WNK4: variants seen among roughly 807,000 people sequenced by gnomAD.
WNK4 encodes WNK lysine deficient protein kinase 4, also known as serine/threonine-protein kinase WNK4.
In WNK4, 94 loss-of-function variants were observed where a neutral mutation model predicts 116.2. The observed-to-expected ratio is 0.81, with a 90% CI of 0.68 to 0.96. The LOEUF (loss-of-function observed/expected upper bound fraction) is 0.96. Ranked by LOEUF, WNK4 falls within the 40% of genes least tolerant of loss-of-function variation. WNK4 has a pLI of 0.00. For synonymous variants in WNK4, 655 were observed against 672.7 expected (o/e 0.97, Z 0.41); for missense variants, 1,542 against 1,650.6 (o/e 0.93, Z 1.14).
At position 42,785,653 on chromosome 17, in the gene WNK4, G is replaced by A. The variant is rs528394220; in HGVS notation, c.1476+171G>A. On this transcript the variant is annotated intron_variant, in intron 6 of 18. Coordinates refer to ENST00000246914, the MANE Select transcript of WNK4 (RefSeq NM_032387.5). The stretch of plus-strand genomic sequence containing the variant: ...CTACCTCTCCAGCCCTAACTTACCC[G>A]CACGCACACCCAGTTTTCCTTTACA... 4.6e-5 allele frequency among the ~76,000 whole-genome samples: 7 copies of A among 152,240 alleles called. No individual in the cohort carries two copies. The South Asian group carries it at 1.2e-3, about 27-fold the overall frequency.
chr17:42,787,445 C>T lies in WNK4; in HGVS notation c.1644C>T (p.Pro548=), dbSNP rs142230858. 102 of 1,613,686 alleles carry T rather than the reference C, an allele frequency of 6.3e-5. No individual in the cohort carries two copies. The highest frequency in any genetic ancestry group is 8.1e-5 in the Non-Finnish European group (96 of 1,179,810). The change falls in exon 7 of 19, where the codon CCC becomes CCT. Residue 548 remains proline (P), a synonymous_variant. Coordinates refer to ENST00000246914, the MANE Select transcript of WNK4 (RefSeq NM_032387.5). ...CACCAGCAACTGTGCCCATGGCCCC[C>T]GGTCCCCCCAGTGTCTTCCCCCCTG... ...GPPPATVPMA[P]GPPSVFPPEP...
rs1261254331 is a variant in WNK4 at position 42,780,933 on chromosome 17, C to A, written c.235C>A (p.Pro79Thr). Residue 79 changes from proline to threonine, a missense_variant, in exon 1 of 19, where the codon CCC becomes ACC. Pro to Thr is a conservative substitution (Grantham distance 38). Transcript: ENST00000246914. ...LLSSWSLPAS[P>T]APDPPDPPDS... ...GAGCTCTTGGTCCCTGCCAGCCTCA[C>A]CCGCTCCGGACCCCCCCGATCCTCC... is the stretch of plus-strand genomic sequence containing the variant. 1 of 1,609,588 alleles carries A rather than the reference C, an allele frequency of 6.2e-7. No individual in the cohort carries two copies. Among genetic ancestry groups the A allele is most frequent in the Non-Finnish European group, 8.5e-7 (1 of 1,179,754 alleles).
chr17:42,781,780 G>C (rs1468183259), intron 1 of WNK4, among the ~76,000 whole-genome samples: 1 of 152,112 alleles, frequency 6.6e-6, no homozygotes, highest in South Asian at 2.1e-4. Flanking sequence ...GCTGGGCAAG[G>C]GTCATCTCCA....
At chr17:42,790,884 A>T (rs1226186641) in intron 11 of WNK4, among the ~76,000 whole-genome samples, 1 of 152,158 alleles carries the variant, frequency 6.6e-6, no homozygotes, top group African/African-American at 2.4e-5. Flanking sequence ...CTCCTCCATC[A>T]TGTCATTCAC....
At position 42,791,639 on chromosome 17, in the gene WNK4, C is replaced by CAA. The variant is rs112159075; in HGVS notation, c.2158-1941_2158-1940dup. 1.3e-4 allele frequency among the ~76,000 whole-genome samples: 15 copies of CAA among 119,434 alleles called. No homozygotes were observed. In the South Asian group the frequency reaches 1.3e-3, roughly 11 times the overall value. 78.4% of individuals were successfully genotyped at this position (119,434 alleles called of 152,430 possible). On this transcript the variant is annotated intron_variant, in intron 11 of 18. Transcript: ENST00000246914. ...GGGCAACAAGAGCGAAACTCTGTCT[C>CAA]AAAAAAAAAAAAAGAAGAAAGAAAG...
Position 42,785,419 on chromosome 17 carries a change from C to G in WNK4, c.1413C>G (p.Asn471Lys), listed in dbSNP as rs769207672. ...GGCGCGGGGGGCGCCCACGGGACAACCAGGCCATCGAGTTCCTGTTCCAGC... is the reference window on the plus strand; with the variant it reads ...GGCGCGGGGGGCGCCCACGGGACAAGCAGGCCATCGAGTTCCTGTTCCAGC... Reference protein sequence around the residue: ...DARRGGRPRDNQAIEFLFQLG... With the variant: ...DARRGGRPRDKQAIEFLFQLG... The change falls in exon 6 of 19, where the codon AAC (asparagine) becomes AAG (lysine). Residue 471 changes from asparagine (N) to lysine (K), a missense_variant. Asn to Lys is a moderately conservative substitution (Grantham distance 94). Around this residue, in one of 7 missense-constraint regions of WNK4, gnomAD observed 808 missense variants for 873.6 expected, o/e 0.92. Transcript: ENST00000246914. The G allele has an allele frequency of 1.3e-6, 2 of 1,565,214 alleles. No homozygotes were observed. The highest frequency in any genetic ancestry group is 1.7e-6 in the Non-Finnish European group (2 of 1,154,648).
chr17:42,787,992 G>A, intron 8 of WNK4, 93 bp downstream of exon 8: 1 of 1,598,606 alleles, frequency 6.3e-7, no homozygotes, highest in South Asian at 1.1e-5. Flanking sequence ...CCAGTCCCAT[G>A]TCCCTGGAAA....
At position 42,781,117 on chromosome 17, in the gene WNK4, T is replaced by C; in HGVS notation, c.419T>C (p.Leu140Pro). The stretch of plus-strand genomic sequence containing the variant: ...GTGGGCCCGGGGTCCAGGGAGCCGC[T>C]AAGGGTCCCTGAAGCTGTGGCCCTA... ...SAVGPGSREP[L>P]RVPEAVALER... The change falls in exon 1 of 19, where the codon CTA (leucine) becomes CCA (proline). Residue 140 changes from leucine (L) to proline (P), a missense_variant. This residue lies in a region of WNK4 where 243 missense variants were observed against 217.8 expected (regional missense o/e 1.12). Transcript: ENST00000246914. 1 of 1,613,842 alleles carries C rather than the reference T, an allele frequency of 6.2e-7. No homozygotes were observed. Among genetic ancestry groups the C allele is most frequent in the Non-Finnish European group, 8.5e-7 (1 of 1,179,924 alleles).
Position 42,785,139 on chromosome 17 carries a change from G to A in WNK4, c.1213G>A (p.Val405Met), listed in dbSNP as rs531325964. The change falls in exon 5 of 19, where the codon GTG becomes ATG. Residue 405 changes from valine to methionine, a missense_variant. Transcript: ENST00000246914. ...NSFHKVKIPE[V>M]KEIIEGCIRT... ...CTTCCACAAGGTGAAGATACCCGAG[G>A]TGAAGGAGATCATTGAAGGCTGCAT... 8 of 1,614,014 alleles carry A rather than the reference G, an allele frequency of 5.0e-6. No individual in the cohort carries two copies. Among genetic ancestry groups the A allele is most frequent in the Non-Finnish European group, 6.8e-6 (8 of 1,179,980 alleles).
Position 42,793,671 on chromosome 17 carries a change from C to A in WNK4, c.2237C>A (p.Thr746Asn), listed in dbSNP as rs1375134711. 3 of 1,614,084 alleles carry A rather than the reference C, an allele frequency of 1.9e-6. No homozygotes were observed. The highest frequency in any genetic ancestry group is 2.5e-6 in the Non-Finnish European group (3 of 1,180,012). ...CGGGAGATTATCCAGCGAGTGGAGA[C>A]CCTGTTGAAGAGAGACACTGGCCCC... is the stretch of plus-strand genomic sequence containing the variant. ...RIREIIQRVETLLKRDTGPME... is the reference protein window; with the variant it reads ...RIREIIQRVENLLKRDTGPME... Residue 746 changes from threonine to asparagine, a missense_variant, in exon 12 of 19, where the codon ACC becomes AAC. Thr to Asn is a moderately conservative substitution (Grantham distance 65). Transcript: ENST00000246914.
In WNK4 at chr17:42,780,625, C is replaced by CA; in HGVS notation, c.-73dup. On this transcript the variant is annotated 5_prime_UTR_variant, in exon 1 of 19. Transcript: ENST00000246914. ...CCGCTCAGCCGGAGCGCAGCGCACCCAGCGAGTCCGTCTGTCAGGCCGCCT... is the reference window on the plus strand; with the variant it reads ...CCGCTCAGCCGGAGCGCAGCGCACCCAAGCGAGTCCGTCTGTCAGGCCGCCT... 6.3e-7 allele frequency: 1 copy of CA among 1,582,812 alleles called. No individual in the cohort carries two copies. Among genetic ancestry groups the CA allele is most frequent in the Non-Finnish European group, 8.5e-7 (1 of 1,169,930 alleles).
intron 11 of WNK4, among the ~76,000 whole-genome samples, chr17:42,792,370 T>A (rs2054615254): frequency 6.6e-6 from 1 of 152,216 alleles, no homozygotes; most frequent in East Asian, 1.9e-4. Flanking sequence ...AATAGCATTT[T>A]AAAAAATTGT....
At position 42,793,696 on chromosome 17, in the gene WNK4, CA is replaced by C; in HGVS notation, c.2263del (p.Met755TrpfsTer8). 1 of 1,614,116 alleles carries C rather than the reference CA, an allele frequency of 6.2e-7. No homozygotes were observed. Among genetic ancestry groups the C allele is most frequent in the Admixed American group, 1.7e-5 (1 of 60,014 alleles). On this transcript the variant is annotated frameshift_variant, in exon 12 of 19. Transcript: ENST00000246914. LOFTEE classifies it high-confidence loss of function. The part of the protein sequence containing the change: ...ETLLKRDTGP[M>X]EAAEDTLSPQ... ...CCCTGTTGAAGAGAGACACTGGCCC[CA>C]TGGAGGCTGCTGAAGACACCCTAAG...
chr17:42,796,666 AC>A lies in WNK4; in HGVS notation c.3730-19del, dbSNP rs761428096. 36 of 1,613,922 alleles carry A rather than the reference AC, an allele frequency of 2.2e-5. No homozygotes were observed. Among genetic ancestry groups the A allele is most frequent in the South Asian group, 1.2e-4 (11 of 91,082 alleles). ...CTCCCACCTTGGAGGTTTCTTCATCACTTTTTCTTTTCCCTCCAGTGAATTC... is the reference window on the plus strand; with the variant it reads ...CTCCCACCTTGGAGGTTTCTTCATCATTTTTCTTTTCCCTCCAGTGAATTC... On this transcript the variant is annotated intron_variant, in intron 18 of 18. Coordinates refer to ENST00000246914, the MANE Select transcript of WNK4 (RefSeq NM_032387.5).
In WNK4 at chr17:42,795,862, AAGG is replaced by A. The variant is rs1011341294; in HGVS notation, c.3263_3265del (p.Gly1088del). On this transcript the variant is annotated inframe_deletion, in exon 16 of 19. Coordinates refer to ENST00000246914, the MANE Select transcript of WNK4 (RefSeq NM_032387.5). ...GGTCTGGGGGCTGGAGTTGAGGAGGAAGGAGATGATGGGAAGGAACCCCAAGTT... is the reference window on the plus strand; with the variant it reads ...GGTCTGGGGGCTGGAGTTGAGGAGGAAGATGATGGGAAGGAACCCCAAGTT... 1.9e-6 allele frequency: 3 copies of A among 1,612,984 alleles called. No homozygotes were observed. Among genetic ancestry groups the A allele is most frequent in the African/African-American group, 2.7e-5 (2 of 74,860 alleles).
At position 42,781,296 on chromosome 17, in the gene WNK4, G is replaced by A. The variant is rs1415939973; in HGVS notation, c.598G>A (p.Val200Met). ...GCTAGACACCGACACCACAGTGGAG[G>A]TGGCCTGGTGTGAGCTGCAGGTGCG... ...RGLDTDTTVE[V>M]AWCELQTRKL... Residue 200 changes from valine to methionine, a missense_variant, in exon 1 of 19, where the codon GTG becomes ATG. Transcript: ENST00000246914. 4 of 1,614,100 alleles carry A rather than the reference G, an allele frequency of 2.5e-6. No homozygotes were observed.
chr17:42,781,413 A>C, intron 1 of WNK4, 97 bp downstream of exon 1: 1 of 1,538,610 alleles, frequency 6.5e-7, no homozygotes, highest in Non-Finnish European at 8.9e-7. Flanking sequence ...CAAGGGAAGC[A>C]TGTATTTTTC....
In WNK4 at chr17:42,787,264, C is replaced by A; in HGVS notation, c.1477-14C>A. The stretch of plus-strand genomic sequence containing the variant: ...GTCCCAAGCTGTGTTCCTCATCCCC[C>A]ACCCCAATTCCAGGTGGCTCTGGGC... On this transcript the variant is annotated splice_polypyrimidine_tract_variant and intron_variant, in intron 6 of 18. Coordinates refer to ENST00000246914, the MANE Select transcript of WNK4 (RefSeq NM_032387.5). 1.2e-6 allele frequency: 2 copies of A among 1,613,560 alleles called. No individual in the cohort carries two copies. The highest frequency in any genetic ancestry group is 2.2e-5 in the East Asian group (1 of 44,880).
rs749246070 is a variant in WNK4 at position 42,793,702 on chromosome 17, G to A, written c.2268G>A (p.Glu756=). ...TLLKRDTGPM[E]AAEDTLSPQE... ...TGAAGAGAGACACTGGCCCCATGGA[G>A]GCTGCTGAAGACACCCTAAGCCCCC... Residue 756 remains glutamate, a synonymous_variant, in exon 12 of 19, where the codon GAG becomes GAA. Coordinates refer to ENST00000246914, the MANE Select transcript of WNK4 (RefSeq NM_032387.5). 6.2e-7 allele frequency: 1 copy of A among 1,614,136 alleles called. No individual in the cohort carries two copies. The highest frequency in any genetic ancestry group is 1.7e-5 in the Admixed American group (1 of 60,012).
Sources: gnomAD v4.1 joint callset for allele counts (sites outside exome capture counted in the v4.1 genomes callset) on GRCh38, gnomAD v4.1.1 for gene constraint, gnomAD v4.1.1 regional missense constraint, MANE v1.5 for transcripts, NCBI Gene and HGNC (gene_info 2026-07-23, HGNC 2026-07-21) for gene names.